GABRA4: variants seen among roughly 807,000 people sequenced by gnomAD.
The protein encoded by GABRA4 is gamma-aminobutyric acid receptor subunit alpha-4.
GABRA4 carries 12 observed loss-of-function variants against 49.7 expected under a neutral mutation model. That is an observed-to-expected ratio of 0.24 (90% CI 0.15 to 0.39). The LOEUF is 0.39. Ranked by LOEUF, GABRA4 falls within the 10% of genes least tolerant of loss-of-function variation. The pLI, the probability that GABRA4 is intolerant of heterozygous loss-of-function variation, is 1.00. For synonymous variants in GABRA4, 288 were observed against 240.2 expected, an observed-to-expected ratio of 1.20 and a Z score of -1.84; for missense variants, 506 against 686.0, an observed-to-expected ratio of 0.74 and a Z score of 2.93.
chr4:46,962,268 T>C (rs1418219007), intron 8 of GABRA4, among the ~76,000 whole-genome samples: 1 of 108,312 alleles, frequency 9.2e-6, no homozygotes, highest in African/African-American at 3.2e-5. Context: ...AGTTGCAGGA[T>C]ACAAAATTAA....
At chr4:46,978,687 C>CAAAAAAAAAAAAAAAAAAAAAAAAA (rs71193889) in intron 3 of GABRA4, among the ~76,000 whole-genome samples, 43 of 21,624 alleles carry the variant, frequency 2.0e-3, no homozygotes, top group South Asian at 3.3e-3. Context: ...AACTTCATCT[C>CAAAAAAAAAAAAAAAAAAAAAAAAA]AAAAAAAAAA....
chr4:46,937,933 C>G (rs1279821577), intron 8 of GABRA4, among the ~76,000 whole-genome samples: 1 of 152,118 alleles, frequency 6.6e-6, no homozygotes, highest in Non-Finnish European at 1.5e-5. Context: ...ATGACTCACT[C>G]ATAATGTGAA....
chr4:46,921,155 A>C lies in GABRA4; in HGVS notation c.*7070T>G, dbSNP rs1721012868. The C allele has an allele frequency of 6.6e-6, 1 of 151,342 alleles. No individual in the cohort carries two copies. The highest frequency in any genetic ancestry group is 1.5e-5 in the Non-Finnish European group (1 of 67,682). 9.4% of individuals were successfully genotyped at this position (151,342 alleles called of 1,614,324 possible). ...TTTCTTTTTTTTTTTAACGGAAGTA[A>C]TTAGTGGTAGAGAAAAGCTATTAAG... On this transcript the variant is annotated 3_prime_UTR_variant, in exon 9 of 9. Coordinates refer to ENST00000264318, the MANE Select transcript of GABRA4 (RefSeq NM_000809.4).
rs1209280115 is a variant in GABRA4, at chr4:46,960,627, TAGTTCACAGATAAA to T, written c.1134+4329_1134+4342del. Among the ~76,000 whole-genome samples, 62 of 151,804 alleles carry T rather than the reference TAGTTCACAGATAAA, an allele frequency of 4.1e-4. No homozygotes were observed. In the East Asian group the frequency reaches 9.5e-3, roughly 23 times the overall value. On this transcript the variant is annotated intron_variant, in intron 8 of 8. Transcript: ENST00000264318. ...GAAAATATTATCTCCAAATAATTCT[TAGTTCACAGATAAA>T]AGTAGCAACATAATTATAGAATATT... is the stretch of plus-strand genomic sequence containing the variant.
In GABRA4 at chr4:46,972,865, A is replaced by G. The variant is rs199679133; in HGVS notation, c.721+1367T>C. ...CACTGCTTTATCCATTTTTTCTTAA[A>G]ACAAAAACAAAAAAAAACTTTGTTA... On this transcript the variant is annotated intron_variant, in intron 6 of 8. Coordinates refer to ENST00000264318, the MANE Select transcript of GABRA4 (RefSeq NM_000809.4). 4.6e-5 allele frequency among the ~76,000 whole-genome samples: 7 copies of G among 151,728 alleles called. No individual in the cohort carries two copies. In the East Asian group the frequency reaches 1.4e-3, roughly 30 times the overall value.
chr4:46,925,485 A>G lies in GABRA4; in HGVS notation c.*2740T>C, dbSNP rs1721187446. On this transcript the variant is annotated 3_prime_UTR_variant, in exon 9 of 9. Coordinates refer to ENST00000264318, the MANE Select transcript of GABRA4 (RefSeq NM_000809.4). Reference sequence around the variant, plus strand: ...TGAATTTCATCTTTAAAAGAGTTATATAAAGGTACCATTCTCAGCCAAAAT... The same window carrying G: ...TGAATTTCATCTTTAAAAGAGTTATGTAAAGGTACCATTCTCAGCCAAAAT... 1 of 151,814 alleles carries G rather than the reference A, an allele frequency of 6.6e-6. No individual in the cohort carries two copies. The highest frequency in any genetic ancestry group is 1.5e-5 in the Non-Finnish European group (1 of 67,820). 9.4% of individuals were successfully genotyped at this position (151,814 alleles called of 1,614,324 possible).
At chr4:46,929,433 C>T (rs1721350603) in intron 8 of GABRA4, among the ~76,000 whole-genome samples, 1 of 152,094 alleles carries the variant, frequency 6.6e-6, no homozygotes, top group South Asian at 2.1e-4. Context: ...GACTTATAAA[C>T]AGCATCAACC....
At position 46,993,394 on chromosome 4, in the gene GABRA4, C is replaced by A. The variant is rs1361665836; in HGVS notation, c.31G>T (p.Ala11Ser). 1.9e-6 allele frequency: 3 copies of A among 1,614,170 alleles called. No individual in the cohort carries two copies. Among genetic ancestry groups the A allele is most frequent in the Non-Finnish European group, 2.5e-6 (3 of 1,180,012 alleles). Residue 11 changes from alanine (A) to serine (S), a missense_variant, in exon 1 of 9, where the codon GCT (alanine) becomes TCT (serine). Physicochemically the swap from Ala to Ser is moderately conservative, Grantham distance 99. Transcript: ENST00000264318. Reference protein sequence around the residue: MVSAKKVPAIALSAGVSFALL... With the variant: MVSAKKVPAISLSAGVSFALL... ...GCGAAACTGACCCCGGCGGACAGAG[C>A]GATCGCGGGTACCTTCTTGGCAGAA... is the stretch of plus-strand genomic sequence containing the variant.
intron 8 of GABRA4, among the ~76,000 whole-genome samples, chr4:46,941,480 C>T (rs185324448): frequency 4.6e-5 from 7 of 152,160 alleles, no homozygotes; most frequent in Non-Finnish European, 1.0e-4. Context: ...TAACACATTG[C>T]TCTAGCATAT....
At chr4:46,978,859 T>C (rs1354756249) in intron 3 of GABRA4, among the ~76,000 whole-genome samples, 172 bp downstream of exon 3, 1 of 151,992 alleles carries the variant, frequency 6.6e-6, no homozygotes, top group East Asian at 1.9e-4. Flanking sequence ...ACAACTGAAA[T>C]GCAAATTGAA....
intron 8 of GABRA4, among the ~76,000 whole-genome samples, chr4:46,934,784 G>A (rs926625312): frequency 1.3e-5 from 2 of 152,036 alleles, no homozygotes; most frequent in Admixed American, 6.6e-5. Flanking sequence ...CTTTTTATTT[G>A]TAAATGTTTT....
Position 46,922,126 on chromosome 4 carries a change from TGCTGAATAATATAGAATAC to T in GABRA4, c.*6080_*6098del, listed in dbSNP as rs1455005097. On this transcript the variant is annotated 3_prime_UTR_variant, in exon 9 of 9. Transcript: ENST00000264318. ...TATATTTGAGAGTTGTGAACAAGCT[TGCTGAATAATATAGAATAC>T]TAAGGCTAATGTGGGGAAGGGGGTG... The T allele has an allele frequency of 1.3e-5, 2 of 152,096 alleles. No individual in the cohort carries two copies. The highest frequency in any genetic ancestry group is 2.9e-5 in the Non-Finnish European group (2 of 68,014). The allele number at this position is 152,096 out of a possible 1,614,324, so 9.4% of individuals were successfully genotyped here.
At chr4:46,973,887 A>G (rs1723042339) in intron 6 of GABRA4, among the ~76,000 whole-genome samples, 1 of 151,868 alleles carries the variant, frequency 6.6e-6, no homozygotes, top group Admixed American at 6.6e-5. Context: ...CCCCACAAAA[A>G]TCATCAAAAA....
Position 46,928,353 on chromosome 4 carries a change from A to G in GABRA4, c.1537T>C (p.Ser513Pro), listed in dbSNP as rs935328031. The G allele has an allele frequency of 3.1e-6, 5 of 1,613,546 alleles. No individual in the cohort carries two copies. The African/African-American group carries it at 6.7e-5, about 22-fold the overall frequency. ...TATTTGTCTATTTTACTTGTGCCAG[A>G]TCCAGAAGGTGGTGGAGCCGATGGA... ...PPPSAPPPSG[S>P]GTSKIDKYAR... The change falls in exon 9 of 9, where the codon TCT becomes CCT. Residue 513 changes from serine to proline, a missense_variant. Physicochemically the swap from Ser to Pro is moderately conservative, Grantham distance 74. Transcript: ENST00000264318.
Position 46,927,346 on chromosome 4 carries a change from A to T in GABRA4, c.*879T>A, listed in dbSNP as rs1456087051. 1 of 152,244 alleles carries T rather than the reference A, an allele frequency of 6.6e-6. No homozygotes were observed. Among genetic ancestry groups the T allele is most frequent in the Non-Finnish European group, 1.5e-5 (1 of 67,924 alleles). The allele number at this position is 152,244 out of a possible 1,614,324, so 9.4% of individuals were successfully genotyped here. The stretch of plus-strand genomic sequence containing the variant: ...AAAAATATTTTGAATATGTTGTCAG[A>T]CTCTAAATAAATGTCCTTCACTAAA... On this transcript the variant is annotated 3_prime_UTR_variant, in exon 9 of 9. Coordinates refer to ENST00000264318, the MANE Select transcript of GABRA4 (RefSeq NM_000809.4).
intron 8 of GABRA4, among the ~76,000 whole-genome samples, chr4:46,938,405 C>T (rs1399540999): frequency 6.6e-6 from 1 of 152,108 alleles, no homozygotes; most frequent in Non-Finnish European, 1.5e-5. Context: ...ACAATTTCAT[C>T]TACATCAGCA....
chr4:46,959,191 C>T (rs1722472060), intron 8 of GABRA4, among the ~76,000 whole-genome samples: 1 of 151,740 alleles, frequency 6.6e-6, no homozygotes, highest in Admixed American at 6.6e-5. Flanking sequence ...TAAAGTTGTA[C>T]TTGATACTGA....
intron 8 of GABRA4, among the ~76,000 whole-genome samples, chr4:46,939,671 T>C (rs1406981700): frequency 3.9e-5 from 6 of 152,018 alleles, no homozygotes. Context: ...CTGAAATTTG[T>C]CCACAATAAC....
intron 8 of GABRA4, among the ~76,000 whole-genome samples, chr4:46,961,273 T>G (rs75013368): frequency 0.14 from 21,386 of 151,796 alleles, 1,586 homozygotes; most frequent in South Asian, 0.25. Flanking sequence ...GACCAGTTAA[T>G]CCCTGCCAGG....
Sources: allele counts gnomAD v4.1 joint callset (sites outside exome capture counted in the v4.1 genomes callset), GRCh38; gene constraint gnomAD v4.1.1; transcripts MANE v1.5; gene names NCBI Gene and HGNC (gene_info 2026-07-23, HGNC 2026-07-21).